The following FCHO1 variants were observed in gnomAD, a reference collection of about 807,000 sequenced individuals.
FCHO1 encodes FCH and mu domain containing endocytic adaptor 1, also known as F-BAR domain only protein 1.
Under a neutral mutation model 114.4 loss-of-function variants are expected in FCHO1, and 45 were observed. That is an observed-to-expected ratio of 0.39 (90% CI 0.31 to 0.50). FCHO1 has a LOEUF of 0.50. Among genes scored for constraint, FCHO1 ranks in the 20% least tolerant of loss-of-function variants. FCHO1 has a pLI of 0.77. For synonymous variants in FCHO1, 480 were observed against 488.9 expected (o/e 0.98, Z 0.24); for missense variants, 1,042 against 1,209.6 (o/e 0.86, Z 2.06).
At chr19:17,768,561 A>G (rs1181295915) in intron 7 of FCHO1, among the ~76,000 whole-genome samples, 1 of 151,824 alleles carries the variant, frequency 6.6e-6, no homozygotes, top group Non-Finnish European at 1.5e-5. Flanking sequence ...ACGTGGTGGC[A>G]CACACACCTG....
At position 17,784,683 on chromosome 19, in the gene FCHO1, T is replaced by C; in HGVS notation, c.2227-42T>C. Reference sequence around the variant, plus strand: ...TAGCGCATGGTGTGGCAAGACAGGATGGCCCAAGCTGTGTCCTCTCTCTCA... The same window carrying C: ...TAGCGCATGGTGTGGCAAGACAGGACGGCCCAAGCTGTGTCCTCTCTCTCA... On this transcript the variant is annotated intron_variant, in intron 25 of 28. Coordinates refer to ENST00000596536, the MANE Select transcript of FCHO1 (RefSeq NM_015122.3). The surrounding 1 kb of genome is among the most constrained non-coding windows in gnomAD (Gnocchi z 5.3). The C allele has an allele frequency of 6.3e-7, 1 of 1,590,306 alleles. No homozygotes were observed. Among genetic ancestry groups the C allele is most frequent in the South Asian group, 1.1e-5 (1 of 90,634 alleles).
At position 17,787,703 on chromosome 19, in the gene FCHO1, G is replaced by C. The variant is rs1349256945; in HGVS notation, c.2504G>C (p.Ser835Thr). The change falls in exon 28 of 29, where the codon AGC becomes ACC. Residue 835 changes from serine to threonine, a missense_variant. Coordinates refer to ENST00000596536, the MANE Select transcript of FCHO1 (RefSeq NM_015122.3). The stretch of plus-strand genomic sequence containing the variant: ...CCAGGTTCTGGCCGCCTCTCTGCCA[G>C]CTGGGAGCCGCTCTCAGGGCCCAGC... ...EAGGSGRLSA[S>T]WEPLSGPSTP... 1.1e-5 allele frequency: 17 copies of C among 1,565,782 alleles called. No homozygotes were observed. Among genetic ancestry groups the C allele is most frequent in the Non-Finnish European group, 1.5e-5 (17 of 1,155,564 alleles).
intron 18 of FCHO1, among the ~76,000 whole-genome samples, chr19:17,777,334 C>T (rs566026612): frequency 1.3e-5 from 2 of 151,546 alleles, no homozygotes; most frequent in African/African-American, 2.4e-5. Flanking sequence ...GTCGAGAGTT[C>T]GAGACCAGCC....
chr19:17,776,128 C>T lies in FCHO1; in HGVS notation c.1149C>T (p.Thr383=), dbSNP rs1469806141. The part of the protein sequence containing the change: ...PEAAAAQLRA[T]AGSLILPPGP... ...CAGCAGCGGCACAGCTCAGGGCCAC[C>T]GCGGGCAGCCTCATCCTTCCTCCTG... The change falls in exon 16 of 29, where the codon ACC becomes ACT. Residue 383 remains threonine, a synonymous_variant. Coordinates refer to ENST00000596536, the MANE Select transcript of FCHO1 (RefSeq NM_015122.3). The surrounding 1 kb of genome is among the most constrained non-coding windows in gnomAD (Gnocchi z 4.4). The T allele has an allele frequency of 2.1e-5, 34 of 1,613,210 alleles. No individual in the cohort carries two copies. The highest frequency in any genetic ancestry group is 2.7e-5 in the African/African-American group (2 of 74,896).
At chr19:17,771,421 C>T (rs1201977368) in intron 9 of FCHO1, among the ~76,000 whole-genome samples, 24 of 150,488 alleles carry the variant, frequency 1.6e-4, no homozygotes, top group Admixed American at 1.6e-3. Context: ...GTAATCCCAG[C>T]ACTTTGGGAG....
intron 9 of FCHO1, among the ~76,000 whole-genome samples, chr19:17,771,853 C>T (rs1400462371): frequency 6.6e-6 from 1 of 151,932 alleles, no homozygotes; most frequent in Non-Finnish European, 1.5e-5. Context: ...CTCTCTGTCA[C>T]TCAGGCTGGA....
chr19:17,772,792 C>A, intron 11 of FCHO1, 51 bp downstream of exon 11: 1 of 1,324,066 alleles, frequency 7.6e-7, no homozygotes, highest in Non-Finnish European at 1.1e-6. Flanking sequence ...CAGCTGCAGA[C>A]AGGCATGTGC....
chr19:17,781,191 G>A (rs2093375236), intron 20 of FCHO1, 40 bp from the exon 21 acceptor site: 7 of 1,478,756 alleles, frequency 4.7e-6, no homozygotes, highest in East Asian at 4.6e-5. Flanking sequence ...CAGAGGCCCC[G>A]GGCAGCATCT....
At chr19:17,777,626 G>A (rs556005567) in intron 18 of FCHO1, among the ~76,000 whole-genome samples, 2 of 151,428 alleles carry the variant, frequency 1.3e-5, no homozygotes, top group South Asian at 4.2e-4. Context: ...CAGATGACGC[G>A]AAGACAGGAG....
rs1401269193 is a variant in FCHO1 at position 17,766,744 on chromosome 19, G to C, written c.270G>C (p.Arg90=). The C allele has an allele frequency of 3.1e-6, 5 of 1,614,158 alleles. No individual in the cohort carries two copies. The highest frequency in any genetic ancestry group is 3.4e-6 in the Non-Finnish European group (4 of 1,180,018). The change falls in exon 7 of 29, where the codon CGG becomes CGC. Residue 90 remains arginine (R), a synonymous_variant. Coordinates refer to ENST00000596536, the MANE Select transcript of FCHO1 (RefSeq NM_015122.3). ...KLALCHLELT[R]KLQDLIKDVL... is the part of the protein sequence containing the mutation. Reference sequence around the variant, plus strand: ...CGCTGTGCCACCTGGAACTGACACGGAAGTTACAGGATCTCATCAAGGACG... The same window carrying C: ...CGCTGTGCCACCTGGAACTGACACGCAAGTTACAGGATCTCATCAAGGACG...
chr19:17,787,858 CCCTG>C lies in FCHO1; in HGVS notation c.2647+14_2647+17del. 6.2e-7 allele frequency: 1 copy of C among 1,610,132 alleles called. No homozygotes were observed. ...GAGGTTTGCCACAGGTACTCCCCAA[CCCTG>C]CTGCTGGGTGACCTCAGGAGCCGAG... On this transcript the variant is annotated intron_variant, in intron 28 of 28. Transcript: ENST00000596536.
At chr19:17,773,786 G>T (rs1053240570) in intron 11 of FCHO1, among the ~76,000 whole-genome samples, 1 of 152,086 alleles carries the variant, frequency 6.6e-6, no homozygotes, top group Admixed American at 6.6e-5. Flanking sequence ...GTTCTTGTCC[G>T]GGAACCTGAT....
Position 17,784,322 on chromosome 19 carries a change from G to A in FCHO1, c.2226+87G>A, listed in dbSNP as rs781216475. 55 of 1,487,214 alleles carry A rather than the reference G, an allele frequency of 3.7e-5. No homozygotes were observed. Among genetic ancestry groups the A allele is most frequent in the Non-Finnish European group, 4.9e-5 (54 of 1,105,290 alleles). 92.1% of individuals were successfully genotyped at this position (1,487,214 alleles called of 1,614,324 possible). On this transcript the variant is annotated intron_variant, in intron 25 of 28. Coordinates refer to ENST00000596536, the MANE Select transcript of FCHO1 (RefSeq NM_015122.3). The surrounding 1 kb of genome is among the most constrained non-coding windows in gnomAD (Gnocchi z 5.3). ...CAGACATGGAGGCGCCTGCGTGTTGGCCAGGCTGGTCTCGAATTCCTGACC... is the reference window on the plus strand; with the variant it reads ...CAGACATGGAGGCGCCTGCGTGTTGACCAGGCTGGTCTCGAATTCCTGACC...
chr19:17,784,851 C>T lies in FCHO1; in HGVS notation c.2353C>T (p.Leu785Phe), dbSNP rs1445355420. 1.2e-6 allele frequency: 2 copies of T among 1,613,912 alleles called. No homozygotes were observed. The highest frequency in any genetic ancestry group is 1.7e-6 in the Non-Finnish European group (2 of 1,180,050). The change falls in exon 26 of 29, where the codon CTC (leucine) becomes TTC (phenylalanine). Residue 785 changes from leucine to phenylalanine, a missense_variant. Physicochemically the swap from Leu to Phe is conservative, Grantham distance 22. Coordinates refer to ENST00000596536, the MANE Select transcript of FCHO1 (RefSeq NM_015122.3). The surrounding 1 kb of genome is among the most constrained non-coding windows in gnomAD (Gnocchi z 5.3). ...RPGATAVPTP[L>F]TNVQILLPVG... The stretch of plus-strand genomic sequence containing the variant: ...CGGTGCCACGGCTGTGCCCACACCA[C>T]TCACGAACGTCCAGATCCTGCTGCC...
intron 4 of FCHO1, 185 bp downstream of exon 4, chr19:17,755,376 T>C: frequency 1.7e-6 from 1 of 584,664 alleles, no homozygotes; most frequent in South Asian, 2.0e-5. Context: ...CTCACAGGCC[T>C]TACAACCTTG....
At chr19:17,764,643 TGTGTGCCAAGCACCA>T (rs2087966873) in intron 6 of FCHO1, among the ~76,000 whole-genome samples, 194 bp downstream of exon 6, 2 of 149,474 alleles carry the variant, frequency 1.3e-5, no homozygotes, top group Admixed American at 6.7e-5. Flanking sequence ...GAGTGCCTTC[TGTGTGCCAAGCACCA>T]GCAGCAACCC....
Position 17,778,176 on chromosome 19 carries a change from G to T in FCHO1, c.1299G>T (p.Lys433Asn). The part of the protein sequence containing the change: ...ERLQSEEQVS[K>N]NLFGPPLESA... ...TGCAGTCAGAGGAGCAGGTGTCCAA[G>T]AACCTCTTTGGGCCGCCCCTGGAGT... Residue 433 changes from lysine to asparagine, a missense_variant, in exon 19 of 29, where the codon AAG becomes AAT. By Grantham distance (94) the Lys-to-Asn change is moderately conservative. Transcript: ENST00000596536. The T allele has an allele frequency of 1.9e-6, 3 of 1,613,914 alleles. No homozygotes were observed. The highest frequency in any genetic ancestry group is 2.5e-6 in the Non-Finnish European group (3 of 1,179,952).
At chr19:17,770,261 A>G (rs2091080923) in intron 7 of FCHO1, among the ~76,000 whole-genome samples, 164 bp from the exon 8 acceptor site, 2 of 152,194 alleles carry the variant, frequency 1.3e-5, no homozygotes, top group African/African-American at 4.8e-5. Context: ...AGATCGTGCC[A>G]CTGCACTCCA....
chr19:17,762,925 G>A (rs565373484), intron 5 of FCHO1, 72 bp downstream of exon 5: 409 of 1,032,896 alleles, frequency 4.0e-4, no homozygotes, highest in Admixed American at 6.6e-4. Context: ...TAATGGCTAC[G>A]CCCTGCATGG....
Sources: allele counts gnomAD v4.1 joint callset (sites outside exome capture counted in the v4.1 genomes callset), GRCh38; gene constraint gnomAD v4.1.1; non-coding constraint Gnocchi (gnomAD v3.1); transcripts MANE v1.5; gene names NCBI Gene and HGNC (gene_info 2026-07-23, HGNC 2026-07-21).